The following MID2 variants were observed in gnomAD, a reference collection of about 807,000 sequenced individuals.
MID2 encodes midline 2, also known as probable E3 ubiquitin-protein ligase MID2.
A neutral mutation model predicts 46.1 loss-of-function variants in MID2; 13 were observed. That is an observed-to-expected ratio of 0.28 (90% CI 0.18 to 0.45). MID2 has a LOEUF of 0.45. Ranked by LOEUF, MID2 falls within the 20% of genes least tolerant of loss-of-function variation. The probability of loss-of-function intolerance (pLI) is 1.00; values close to 1 mark genes in which losing one functional copy is unlikely to be tolerated. For synonymous variants in MID2, 199 were observed against 212.3 expected (o/e 0.94, Z 0.55); for missense variants, 431 against 575.4 (o/e 0.75, Z 2.57).
intron 3 of MID2, among the ~76,000 whole-genome samples, chrX:107,858,346 G>A (rs1167178756): frequency 1.8e-5 from 2 of 111,878 alleles, no homozygotes; most frequent in Non-Finnish European, 3.8e-5. Flanking sequence ...CTTTGTCCTG[G>A]CTCATCAGGC....
chrX:107,873,588 C>T (rs771479140), intron 3 of MID2, among the ~76,000 whole-genome samples: 28 of 111,960 alleles, frequency 2.5e-4, no homozygotes, highest in African/African-American at 8.8e-4. Context: ...TGAGAGATTG[C>T]CCATTCTATT....
At chrX:107,889,122 T>G (rs1272649206) in intron 3 of MID2, among the ~76,000 whole-genome samples, 1 of 111,289 alleles carries the variant, frequency 9.0e-6, no homozygotes, top group Non-Finnish European at 1.9e-5. Flanking sequence ...CCATTTACAT[T>G]TAAGGTTAAT....
chrX:107,889,329 C>A (rs1377922448), intron 3 of MID2, among the ~76,000 whole-genome samples: 4 of 111,805 alleles, frequency 3.6e-5, no homozygotes, highest in Non-Finnish European at 5.6e-5. Context: ...GTGACACAAT[C>A]TCTCAGCATT....
At chrX:107,843,110 C>T (rs1931384937) in intron 2 of MID2, among the ~76,000 whole-genome samples, 1 of 112,044 alleles carries the variant, frequency 8.9e-6, no homozygotes, top group African/African-American at 3.2e-5. Flanking sequence ...TATAAACTTA[C>T]AGCTGTATAA....
chrX:107,859,000 T>C (rs779011600), intron 3 of MID2, among the ~76,000 whole-genome samples: 10 of 111,584 alleles, frequency 9.0e-5, no homozygotes, highest in African/African-American at 2.9e-4. Context: ...CTGGGGAATT[T>C]CAGCTTTCTG....
At chrX:107,902,768 A>G (rs1173956343) in intron 3 of MID2, among the ~76,000 whole-genome samples, 6 of 111,394 alleles carry the variant, frequency 5.4e-5, no homozygotes, top group African/African-American at 2.0e-4. Flanking sequence ...CTACCTTGCT[A>G]ATGAAGCACA....
Position 107,905,641 on chromosome X carries a change from T to G in MID2, c.1073+15T>G. 1 of 1,163,021 alleles carries G rather than the reference T, an allele frequency of 8.6e-7. No homozygotes were observed. The highest frequency in any genetic ancestry group is 1.2e-6 in the Non-Finnish European group (1 of 869,045). On this transcript the variant is annotated intron_variant, in intron 5 of 9. Coordinates refer to ENST00000262843, the MANE Select transcript of MID2 (RefSeq NM_012216.4). Reference sequence around the variant, plus strand: ...ATTGCTGAGAGGTCAGTTCCTTATATTCTTTGGAAATGCCTGCTCTTGTGA... The same window carrying G: ...ATTGCTGAGAGGTCAGTTCCTTATAGTCTTTGGAAATGCCTGCTCTTGTGA...
chrX:107,857,914 G>A (rs1359251730), intron 3 of MID2, among the ~76,000 whole-genome samples: 1 of 111,731 alleles, frequency 9.0e-6, no homozygotes, highest in Non-Finnish European at 1.9e-5. Context: ...AGGCGCTTCT[G>A]AGAAAACTGG....
At chrX:107,899,980 G>A (rs1932782552) in intron 3 of MID2, among the ~76,000 whole-genome samples, 1 of 111,937 alleles carries the variant, frequency 8.9e-6, no homozygotes, top group African/African-American at 3.2e-5. Context: ...AATTTGAGTT[G>A]TTTTATTCAC....
At chrX:107,840,649 C>T (rs752340644) in intron 1 of MID2, 21 bp from the exon 2 acceptor site, 1 of 1,153,188 alleles carries the variant, frequency 8.7e-7, no homozygotes, top group South Asian at 1.8e-5. Flanking sequence ...CCTAATGACT[C>T]TTGCTTTGTA....
intron 3 of MID2, among the ~76,000 whole-genome samples, chrX:107,880,587 G>T (rs779899490): frequency 1.8e-5 from 2 of 111,721 alleles, no homozygotes; most frequent in Non-Finnish European, 3.8e-5. Flanking sequence ...AACCTGAAAA[G>T]GTATCTCAAA....
intron 3 of MID2, among the ~76,000 whole-genome samples, chrX:107,867,499 C>CTT (rs1299847069): frequency 5.4e-5 from 6 of 110,761 alleles, no homozygotes; most frequent in Admixed American, 9.6e-5. Flanking sequence ...TGCCCCTCTG[C>CTT]TGGGTTAAGT....
chrX:107,924,381 A>G lies in MID2; in HGVS notation c.1474A>G (p.Asn492Asp). The change falls in exon 8 of 10, where the codon AAC becomes GAC. Residue 492 changes from asparagine to aspartate, a missense_variant. Asn to Asp is a conservative substitution (Grantham distance 23). Transcript: ENST00000262843. ...AGTAGACAGCTGGATGATTGTTCCC[A>G]ACATTAAACAGAACCATTACACAGT... Reference protein sequence around the residue: ...NSVDSWMIVPNIKQNHYTVHG... With the variant: ...NSVDSWMIVPDIKQNHYTVHG... The G allele has an allele frequency of 8.3e-7, 1 of 1,210,250 alleles. No homozygotes were observed.
At chrX:107,922,032 TATA>T (rs1334220085) in intron 7 of MID2, among the ~76,000 whole-genome samples, 3 of 112,001 alleles carry the variant, frequency 2.7e-5, no homozygotes, top group Non-Finnish European at 3.8e-5. Context: ...TGCACACATA[TATA>T]ATAACACATG....
At chrX:107,906,293 A>C (rs1932834882) in intron 5 of MID2, among the ~76,000 whole-genome samples, 1 of 111,166 alleles carries the variant, frequency 9.0e-6, no homozygotes, top group African/African-American at 3.3e-5. Context: ...TCTCCTTCTC[A>C]TTCATTGAAG....
rs189664849 is a variant in MID2 at position 107,843,866 on chromosome X, G to T, written c.720+2481G>T. ...CCCCAAGGAGAAAGGGAGAAAGTTG[G>T]CTGGCAGGAGCTATGGGAGAGTCTG... On this transcript the variant is annotated intron_variant, in intron 2 of 9. Coordinates refer to ENST00000262843, the MANE Select transcript of MID2 (RefSeq NM_012216.4). Among the ~76,000 whole-genome samples the T allele has an allele frequency of 1.1e-3, 124 of 110,091 alleles. 1 individual carries two copies. The highest frequency in any genetic ancestry group is 3.9e-3 in the African/African-American group (119 of 30,322).
At chrX:107,831,819 G>T (rs1931095780) in intron 1 of MID2, among the ~76,000 whole-genome samples, 1 of 112,338 alleles carries the variant, frequency 8.9e-6, no homozygotes. Flanking sequence ...TGTACCAGTA[G>T]TCATAGGTAA....
intron 2 of MID2, among the ~76,000 whole-genome samples, chrX:107,846,093 G>A (rs969012835): frequency 3.6e-5 from 4 of 110,845 alleles, no homozygotes; most frequent in Non-Finnish European, 7.6e-5. Flanking sequence ...TGATAATTTG[G>A]GTAGGAGGGG....
intron 3 of MID2, among the ~76,000 whole-genome samples, chrX:107,888,620 T>A (rs1387577567): frequency 1.8e-5 from 2 of 112,112 alleles, no homozygotes; most frequent in Non-Finnish European, 3.8e-5. Flanking sequence ...GTTCTGTAAA[T>A]GTCTATTAGG....
Sources: allele counts gnomAD v4.1 joint callset (sites outside exome capture counted in the v4.1 genomes callset), GRCh38; gene constraint gnomAD v4.1.1; transcripts MANE v1.5; gene names NCBI Gene and HGNC (gene_info 2026-07-23, HGNC 2026-07-21).